Variants in AGPS observed in about 807,000 individuals in gnomAD.
AGPS encodes alkylglycerone phosphate synthase, also known as alkyldihydroxyacetonephosphate synthase, peroxisomal.
AGPS carries 26 observed loss-of-function variants against 90.7 expected under a neutral mutation model. That is an observed-to-expected ratio of 0.29 (90% CI 0.21 to 0.40). The LOEUF (loss-of-function observed/expected upper bound fraction) is 0.40. Among genes scored for constraint, AGPS ranks in the 10% least tolerant of loss-of-function variants. The pLI, the probability that AGPS is intolerant of heterozygous loss-of-function variation, is 1.00. For missense variants in AGPS, 540 were observed against 816.1 expected, an observed-to-expected ratio of 0.66 and a Z score of 4.12; for synonymous variants, 294 against 285.3, an observed-to-expected ratio of 1.03 and a Z score of -0.31.
At chr2:177,476,597 C>T (rs1484621823) in intron 10 of AGPS, among the ~76,000 whole-genome samples, 2 of 151,998 alleles carry the variant, frequency 1.3e-5, no homozygotes, top group Non-Finnish European at 2.9e-5. Flanking sequence ...TGTAGTCTGT[C>T]CTGGAGAATG....
intron 11 of AGPS, among the ~76,000 whole-genome samples, chr2:177,484,339 T>A (rs1163658312): frequency 6.6e-6 from 1 of 151,784 alleles, no homozygotes; most frequent in Non-Finnish European, 1.5e-5. Flanking sequence ...CCACAAAAAG[T>A]GTGGTTTTTT....
At chr2:177,397,719 C>A (rs1685225750) in intron 1 of AGPS, among the ~76,000 whole-genome samples, 1 of 152,120 alleles carries the variant, frequency 6.6e-6, no homozygotes, top group Admixed American at 6.5e-5. Context: ...CTTACAAATG[C>A]CATTTTAATA....
chr2:177,448,835 C>A (rs747951655), intron 8 of AGPS, among the ~76,000 whole-genome samples: 84 of 152,152 alleles, frequency 5.5e-4, no homozygotes, highest in Non-Finnish European at 1.0e-3. Context: ...CTTTCCCACT[C>A]CCACCCACAA....
intron 16 of AGPS, among the ~76,000 whole-genome samples, chr2:177,510,557 C>T (rs1004545158): frequency 2.0e-5 from 3 of 151,990 alleles, no homozygotes; most frequent in Non-Finnish European, 4.4e-5. Context: ...TTTATTCTTC[C>T]AACTGTGGAA....
At position 177,437,048 on chromosome 2, in the gene AGPS, T is replaced by C. The variant is rs1416279093; in HGVS notation, c.631T>C (p.Trp211Arg). 6.2e-7 allele frequency: 1 copy of C among 1,613,548 alleles called. No homozygotes were observed. Residue 211 changes from tryptophan (W) to arginine (R), a missense_variant, in exon 5 of 20, where the codon TGG (tryptophan) becomes CGG (arginine). Coordinates refer to ENST00000264167, the MANE Select transcript of AGPS (RefSeq NM_003659.4). Reference sequence around the variant, plus strand: ...TGAGCGAATTCCTGATATAGTTTTATGGCCAAGTAAGTTTTCCCCTCCTCG... The same window carrying C: ...TGAGCGAATTCCTGATATAGTTTTACGGCCAAGTAAGTTTTCCCCTCCTCG... Reference protein sequence around the residue: ...MFERIPDIVLWPTCHDDVVKI... With the variant: ...MFERIPDIVLRPTCHDDVVKI...
chr2:177,435,005 A>AGG (rs1206276032), intron 3 of AGPS, among the ~76,000 whole-genome samples: 11 of 145,834 alleles, frequency 7.5e-5, no homozygotes, highest in Middle Eastern at 3.3e-3. Context: ...AGGTATATAT[A>AGG]TATATATATA....
intron 10 of AGPS, among the ~76,000 whole-genome samples, chr2:177,477,802 G>A (rs983318092): frequency 6.6e-6 from 1 of 152,006 alleles, no homozygotes; most frequent in Non-Finnish European, 1.5e-5. Flanking sequence ...TTTTGTGCTA[G>A]TATTGGCACA....
At chr2:177,445,307 G>C (rs913231236) in intron 7 of AGPS, among the ~76,000 whole-genome samples, 3 of 152,162 alleles carry the variant, frequency 2.0e-5, no homozygotes, top group Admixed American at 2.0e-4. Flanking sequence ...ATTAACCTCT[G>C]AATAAAGACA....
intron 8 of AGPS, among the ~76,000 whole-genome samples, chr2:177,459,412 AATCT>A (rs1338275439): frequency 2.0e-5 from 3 of 152,236 alleles, no homozygotes; most frequent in Non-Finnish European, 4.4e-5. Flanking sequence ...AAATTTTTGC[AATCT>A]ATCCATCTGA....
intron 12 of AGPS, 47 bp downstream of exon 12, chr2:177,493,246 T>G (rs1280323642): frequency 6.7e-7 from 1 of 1,502,602 alleles, no homozygotes; most frequent in Non-Finnish European, 9.3e-7. Context: ...CCACAGAAAT[T>G]TATGAAACAT....
rs562398434 is a variant in AGPS at position 177,429,975 on chromosome 2, G to A, written c.351-4352G>A. ...AGGGAGAGATCAGAGTTCTGTCTGT[G>A]TCACCCTGTCTGGAGTTGCTGAAAT... On this transcript the variant is annotated intron_variant, in intron 2 of 19. Transcript: ENST00000264167. 6.0e-4 allele frequency among the ~76,000 whole-genome samples: 92 copies of A among 152,324 alleles called. No homozygotes were observed. The Middle Eastern group carries it at 0.01, about 17-fold the overall frequency.
chr2:177,517,472 A>G (rs1689053233), intron 17 of AGPS, among the ~76,000 whole-genome samples: 1 of 152,124 alleles, frequency 6.6e-6, no homozygotes, highest in African/African-American at 2.4e-5. Flanking sequence ...TTTAATTCTC[A>G]TATCTCATAC....
At chr2:177,496,545 G>T (rs1688418891) in intron 12 of AGPS, among the ~76,000 whole-genome samples, 1 of 152,112 alleles carries the variant, frequency 6.6e-6, no homozygotes, top group Admixed American at 6.5e-5. Flanking sequence ...CAAAAAGATT[G>T]CTAGGTTGAT....
intron 1 of AGPS, among the ~76,000 whole-genome samples, chr2:177,407,818 G>A (rs76768133): frequency 2.1e-5 from 3 of 144,382 alleles, no homozygotes; most frequent in African/African-American, 7.8e-5. Flanking sequence ...TTAAAAAAAA[G>A]AGGTGGGGTT....
chr2:177,445,670 A>G (rs771918787), intron 8 of AGPS, 44 bp downstream of exon 8: 2 of 1,332,788 alleles, frequency 1.5e-6, no homozygotes, highest in Non-Finnish European at 2.1e-6. Flanking sequence ...AACTTATTCT[A>G]ATATCAATTC....
chr2:177,469,954 A>C (rs1559060833), intron 10 of AGPS, among the ~76,000 whole-genome samples: 1 of 152,210 alleles, frequency 6.6e-6, no homozygotes, highest in Non-Finnish European at 1.5e-5. Context: ...TTACATGATC[A>C]AGTAAAATGC....
chr2:177,397,599 G>T (rs1462476904), intron 1 of AGPS, among the ~76,000 whole-genome samples: 1 of 151,900 alleles, frequency 6.6e-6, no homozygotes, highest in Non-Finnish European at 1.5e-5. Context: ...ATTGTGGTTT[G>T]CATTAGTCAG....
At chr2:177,503,180 A>G (rs1165706154) in intron 14 of AGPS, among the ~76,000 whole-genome samples, 1 of 152,180 alleles carries the variant, frequency 6.6e-6, no homozygotes, top group Non-Finnish European at 1.5e-5. Flanking sequence ...CTTTGAACAC[A>G]TATGACCCAA....
intron 18 of AGPS, among the ~76,000 whole-genome samples, chr2:177,523,348 T>C (rs941433863): frequency 6.6e-6 from 1 of 152,184 alleles, no homozygotes; most frequent in Non-Finnish European, 1.5e-5. Flanking sequence ...ACTTGGAACT[T>C]TTCTGGTACA....
Sources: gnomAD v4.1 joint callset for allele counts (sites outside exome capture counted in the v4.1 genomes callset) on GRCh38, gnomAD v4.1.1 for gene constraint, MANE v1.5 for transcripts, NCBI Gene and HGNC (gene_info 2026-07-23, HGNC 2026-07-21) for gene names.